Variants in VPS41 observed in about 807,000 individuals in gnomAD.
The protein encoded by VPS41 is VPS41 subunit of HOPS complex.
VPS41 carries 85 observed loss-of-function variants against 130.9 expected under a neutral mutation model. That is an observed-to-expected ratio of 0.65 (90% CI 0.55 to 0.78). The LOEUF (loss-of-function observed/expected upper bound fraction) is 0.78, where lower values mean the gene tolerates loss of function less well. Ranked by LOEUF, VPS41 falls within the 30% of genes least tolerant of loss-of-function variation. The pLI, the probability that VPS41 is intolerant of heterozygous loss-of-function variation, is 0.00. For missense variants in VPS41, 874 were observed against 1,018.7 expected, an observed-to-expected ratio of 0.86 and a Z score of 1.93; for synonymous variants, 335 against 332.9, an observed-to-expected ratio of 1.01 and a Z score of -0.07.
rs368950589 is a variant in VPS41 at position 38,869,242 on chromosome 7, G to A, written c.72C>T (p.Ser24=). 50 of 1,610,184 alleles carry A rather than the reference G, an allele frequency of 3.1e-5. No individual in the cohort carries two copies. The highest frequency in any genetic ancestry group is 1.5e-4 in the African/African-American group (11 of 74,788). The change falls in exon 3 of 29, where the codon AGC becomes AGT. Residue 24 remains serine (S), a synonymous_variant. Transcript: ENST00000310301. ...CATACTTCAGCTTGGGTTCCTCTTC[G>A]CTCTCTTCTTCCTGCACAAACGGCA... The part of the protein sequence containing the change: ...ESTDESEEEE[S]EEEPKLKYER...
At chr7:38,731,003 T>A (rs1795653249) in intron 25 of VPS41, among the ~76,000 whole-genome samples, 1 of 152,206 alleles carries the variant, frequency 6.6e-6, no homozygotes, top group African/African-American at 2.4e-5. Context: ...CAGATAGCAT[T>A]TTCTAGGAAA....
chr7:38,767,796 C>T (rs941373799), intron 14 of VPS41, among the ~76,000 whole-genome samples, 198 bp from the exon 15 acceptor site: 1 of 152,010 alleles, frequency 6.6e-6, no homozygotes, highest in Non-Finnish European at 1.5e-5. Context: ...TATTTTCATA[C>T]ATTTTAGAAT....
intron 10 of VPS41, among the ~76,000 whole-genome samples, chr7:38,783,932 T>C (rs2115911461): frequency 6.6e-6 from 1 of 152,368 alleles, no homozygotes; most frequent in South Asian, 2.1e-4. Flanking sequence ...TATATGTTTA[T>C]AGATACATTT....
chr7:38,899,046 C>T (rs1052694629), intron 1 of VPS41, among the ~76,000 whole-genome samples: 25 of 152,124 alleles, frequency 1.6e-4, no homozygotes, highest in Non-Finnish European at 3.4e-4. Context: ...ATATATTACT[C>T]AATACAAGTT....
At chr7:38,839,149 C>A (rs1785556620) in intron 4 of VPS41, among the ~76,000 whole-genome samples, 1 of 152,210 alleles carries the variant, frequency 6.6e-6, no homozygotes, top group Non-Finnish European at 1.5e-5. Flanking sequence ...CAACTTCATG[C>A]TCTTTAGTCA....
At chr7:38,815,283 G>C (rs763329024) in intron 7 of VPS41, among the ~76,000 whole-genome samples, 2 of 152,010 alleles carry the variant, frequency 1.3e-5, no homozygotes, top group Non-Finnish European at 2.9e-5. Flanking sequence ...AATCAGCTGG[G>C]TAGGGTGGTG....
At chr7:38,754,418 T>C (rs1783747457) in intron 21 of VPS41, among the ~76,000 whole-genome samples, 1 of 152,138 alleles carries the variant, frequency 6.6e-6, no homozygotes, top group Non-Finnish European at 1.5e-5. Context: ...ATGTTACATA[T>C]ATTTATATTA....
chr7:38,816,250 G>T (rs964670662), intron 7 of VPS41, among the ~76,000 whole-genome samples: 17 of 152,142 alleles, frequency 1.1e-4, no homozygotes, highest in African/African-American at 3.9e-4. Flanking sequence ...ACAATGGGCT[G>T]TGAGATGGGG....
At chr7:38,839,420 C>G (rs1199824898) in intron 4 of VPS41, among the ~76,000 whole-genome samples, 1 of 152,100 alleles carries the variant, frequency 6.6e-6, no homozygotes, top group Non-Finnish European at 1.5e-5. Flanking sequence ...AAAACCAGAA[C>G]AGTATATTCT....
At chr7:38,740,306 C>T (rs1016232312) in intron 25 of VPS41, among the ~76,000 whole-genome samples, 2 of 152,154 alleles carry the variant, frequency 1.3e-5, no homozygotes, top group Non-Finnish European at 2.9e-5. Context: ...CATTATCAAG[C>T]TCACTCACAC....
chr7:38,866,694 C>T (rs893517959), intron 3 of VPS41, among the ~76,000 whole-genome samples: 10 of 152,032 alleles, frequency 6.6e-5, no homozygotes, highest in African/African-American at 1.7e-4. Context: ...TCACAGAAAT[C>T]CTGAGATTTA....
intron 10 of VPS41, among the ~76,000 whole-genome samples, chr7:38,783,064 G>A (rs755319230): frequency 5.3e-5 from 8 of 151,850 alleles, no homozygotes; most frequent in Admixed American, 3.9e-4. Flanking sequence ...GGAGGCAGAG[G>A]CTGTAGTAAG....
intron 4 of VPS41, among the ~76,000 whole-genome samples, chr7:38,835,828 C>T (rs1242057220): frequency 2.0e-5 from 3 of 151,606 alleles, no homozygotes; most frequent in African/African-American, 2.4e-5. Flanking sequence ...GGTCCAGATA[C>T]TAGATGCCCT....
At chr7:38,888,680 T>C (rs1346507990) in intron 2 of VPS41, among the ~76,000 whole-genome samples, 3 of 152,138 alleles carry the variant, frequency 2.0e-5, no homozygotes, top group South Asian at 2.1e-4. Context: ...GCAGACCTAA[T>C]AGACATCTAC....
intron 11 of VPS41, among the ~76,000 whole-genome samples, chr7:38,775,921 C>A (rs146783167): frequency 6.6e-6 from 1 of 152,190 alleles, no homozygotes; most frequent in East Asian, 1.9e-4. Context: ...TATACAGCAT[C>A]CAAAAGAAAA....
At chr7:38,752,368 G>C in intron 21 of VPS41, 55 bp from the exon 22 acceptor site, 1 of 1,604,120 alleles carries the variant, frequency 6.2e-7, no homozygotes, top group Non-Finnish European at 8.5e-7. Flanking sequence ...AGCAATACCT[G>C]GCTAACATTG....
intron 10 of VPS41, among the ~76,000 whole-genome samples, chr7:38,781,343 G>T (rs1025865455): frequency 6.6e-6 from 1 of 152,164 alleles, no homozygotes; most frequent in African/African-American, 2.4e-5. Flanking sequence ...GTGGCTAATG[G>T]TTATCACATT....
rs181927017 is a variant in VPS41 at position 38,724,968 on chromosome 7, T to C, written c.*1278A>G. 6.6e-6 allele frequency: 1 copy of C among 152,330 alleles called. No individual in the cohort carries two copies. Among genetic ancestry groups the C allele is most frequent in the Non-Finnish European group, 1.5e-5 (1 of 68,034 alleles). 9.4% of individuals were successfully genotyped at this position (152,330 alleles called of 1,614,324 possible). On this transcript the variant is annotated 3_prime_UTR_variant, in exon 29 of 29. Transcript: ENST00000310301. ...TCACCTCTGTGACCTCAACAACATC[T>C]CTACATTTTGCTTTCTTTATCTGTA...
chr7:38,758,541 T>C (rs917547426), intron 17 of VPS41, 60 bp from the exon 18 acceptor site: 84 of 1,519,714 alleles, frequency 5.5e-5, no homozygotes, highest in Non-Finnish European at 6.7e-5. Context: ...AGTTGTGATA[T>C]TGTGAAATAT....
Sources: allele counts gnomAD v4.1 joint callset (sites outside exome capture counted in the v4.1 genomes callset), GRCh38; gene constraint gnomAD v4.1.1; transcripts MANE v1.5; gene names NCBI Gene and HGNC (gene_info 2026-07-23, HGNC 2026-07-21).